The following FANCC variants were observed in gnomAD, a reference collection of about 807,000 sequenced individuals.
The protein encoded by FANCC is Fanconi anemia group C protein.
Under a neutral mutation model 71.3 loss-of-function variants are expected in FANCC, and 55 were observed. That is an observed-to-expected ratio of 0.77 (90% CI 0.62 to 0.97). The LOEUF is 0.97. FANCC is among the 50% of genes least tolerant of loss of function. FANCC has a pLI of 0.00. For missense variants in FANCC, 678 were observed against 670.9 expected (o/e 1.01, Z -0.12); for synonymous variants, 275 against 244.9 (o/e 1.12, Z -1.15).
intron 1 of FANCC, among the ~76,000 whole-genome samples, chr9:95,285,116 C>T (rs567947002): frequency 1.3e-5 from 2 of 151,768 alleles, no homozygotes; most frequent in African/African-American, 2.4e-5. Context: ...AAACCATAGA[C>T]ATGTAATAAA....
intron 1 of FANCC, among the ~76,000 whole-genome samples, chr9:95,278,568 C>T (rs1406289277): frequency 6.6e-6 from 1 of 152,188 alleles, no homozygotes; most frequent in Non-Finnish European, 1.5e-5. Flanking sequence ...CAGCAAGCCA[C>T]AGCTCCCAGT....
At chr9:95,298,907 C>T (rs937194571) in intron 1 of FANCC, among the ~76,000 whole-genome samples, 1 of 152,196 alleles carries the variant, frequency 6.6e-6, no homozygotes, top group African/African-American at 2.4e-5. Flanking sequence ...CAGGACAGCA[C>T]AGACATACAG....
At chr9:95,248,631 C>T (rs932161126) in intron 2 of FANCC, among the ~76,000 whole-genome samples, 1 of 151,554 alleles carries the variant, frequency 6.6e-6, no homozygotes, top group African/African-American at 2.4e-5. Flanking sequence ...ATAAAAGAAA[C>T]ATGACATCAA....
chr9:95,279,381 T>C (rs1833240621), intron 1 of FANCC, among the ~76,000 whole-genome samples: 1 of 150,226 alleles, frequency 6.7e-6, no homozygotes, highest in Non-Finnish European at 1.5e-5. Context: ...GGTGCATGCC[T>C]GTGGTCCCAG....
chr9:95,106,806 G>A (rs1027463902), intron 14 of FANCC, among the ~76,000 whole-genome samples: 21 of 152,208 alleles, frequency 1.4e-4, no homozygotes, highest in East Asian at 3.8e-4. Context: ...GGCTTCTACC[G>A]CAGGCTTTGG....
intron 4 of FANCC, among the ~76,000 whole-genome samples, chr9:95,218,590 A>G (rs1829026993): frequency 6.6e-6 from 1 of 152,236 alleles, no homozygotes; most frequent in Non-Finnish European, 1.5e-5. Flanking sequence ...TAGCAGCAAT[A>G]TATTAAAAAG....
At chr9:95,206,439 G>A (rs1364250454) in intron 4 of FANCC, among the ~76,000 whole-genome samples, 1 of 152,150 alleles carries the variant, frequency 6.6e-6, no homozygotes, top group Non-Finnish European at 1.5e-5. Flanking sequence ...TGTTGCATGT[G>A]TTGTGGCAAG....
At chr9:95,233,002 G>A (rs1830100242) in intron 4 of FANCC, among the ~76,000 whole-genome samples, 1 of 152,122 alleles carries the variant, frequency 6.6e-6, no homozygotes, top group Non-Finnish European at 1.5e-5. Context: ...TGTGGCCAGA[G>A]GAACAGAGAA....
intron 4 of FANCC, 107 bp from the exon 5 acceptor site, chr9:95,172,254 CAAAA>C: frequency 1.5e-6 from 1 of 664,438 alleles, no homozygotes. Flanking sequence ...CTCTATGAAA[CAAAA>C]AAATCTGTTT....
intron 4 of FANCC, among the ~76,000 whole-genome samples, chr9:95,181,793 A>G (rs1433478576): frequency 6.6e-6 from 1 of 152,250 alleles, no homozygotes; most frequent in Non-Finnish European, 1.5e-5. Flanking sequence ...CGATTCATGT[A>G]AAAGAATGAA....
intron 4 of FANCC, among the ~76,000 whole-genome samples, chr9:95,225,381 A>G (rs1272887796): frequency 6.6e-6 from 1 of 152,228 alleles, no homozygotes; most frequent in Non-Finnish European, 1.5e-5. Flanking sequence ...TCTTGGAAAT[A>G]TAGATTACAT....
intron 1 of FANCC, among the ~76,000 whole-genome samples, chr9:95,251,883 T>C (rs1444388130): frequency 3.9e-5 from 6 of 152,062 alleles, no homozygotes; most frequent in Non-Finnish European, 7.4e-5. Flanking sequence ...CAAAGTAAGA[T>C]TATGTAAAAA....
At chr9:95,154,640 G>T (rs1164273790) in intron 6 of FANCC, among the ~76,000 whole-genome samples, 1 of 152,098 alleles carries the variant, frequency 6.6e-6, no homozygotes, top group Non-Finnish European at 1.5e-5. Flanking sequence ...AAAGCACAGC[G>T]AAATGTGAAG....
intron 1 of FANCC, among the ~76,000 whole-genome samples, chr9:95,262,643 A>G (rs1832122563): frequency 6.6e-6 from 1 of 152,254 alleles, no homozygotes; most frequent in African/African-American, 2.4e-5. Flanking sequence ...AAGAATTAAA[A>G]GCAGGGTTTC....
At chr9:95,175,259 C>G (rs968673882) in intron 4 of FANCC, among the ~76,000 whole-genome samples, 1 of 152,016 alleles carries the variant, frequency 6.6e-6, no homozygotes, top group Admixed American at 6.6e-5. Context: ...AACAAAGTAG[C>G]TTTAAAACAT....
chr9:95,274,478 A>G (rs1832925084), intron 1 of FANCC, among the ~76,000 whole-genome samples: 1 of 152,202 alleles, frequency 6.6e-6, no homozygotes, highest in Admixed American at 6.5e-5. Flanking sequence ...CAGTGCTGCA[A>G]TAAACATACA....
rs1588003901 is a variant in FANCC, at chr9:95,099,500, T to G, written c.*2207A>C. ...GGCACCTGCCCAGGCTTTGCCGAAA[T>G]CGAAGGCAACAAGAGGGGGAGGTGG... On this transcript the variant is annotated 3_prime_UTR_variant, in exon 15 of 15. Transcript: ENST00000289081. The G allele has an allele frequency of 4.4e-6, 1 of 227,662 alleles. No homozygotes were observed. Among genetic ancestry groups the G allele is most frequent in the African/African-American group, 2.2e-5 (1 of 44,520 alleles). The allele number at this position is 227,662 out of a possible 1,614,324, so 14.1% of individuals were successfully genotyped here.
chr9:95,243,102 TAGTTTAA>T (rs1830732229), intron 3 of FANCC, among the ~76,000 whole-genome samples: 1 of 152,246 alleles, frequency 6.6e-6, no homozygotes, highest in Non-Finnish European at 1.5e-5. Context: ...TTTAATTCTA[TAGTTTAA>T]AAGTATGAAG....
chr9:95,277,116 C>A (rs1225243683), intron 1 of FANCC, among the ~76,000 whole-genome samples: 1 of 152,106 alleles, frequency 6.6e-6, no homozygotes, highest in Non-Finnish European at 1.5e-5. Context: ...CATTTCAATT[C>A]AATTTTTCTG....
Sources: gnomAD v4.1 joint callset for allele counts (sites outside exome capture counted in the v4.1 genomes callset) on GRCh38, gnomAD v4.1.1 for gene constraint, MANE v1.5 for transcripts, NCBI Gene and HGNC (gene_info 2026-07-23, HGNC 2026-07-21) for gene names.